TPST2: variants seen among roughly 807,000 people sequenced by gnomAD.
The protein encoded by TPST2 is protein-tyrosine sulfotransferase 2.
A neutral mutation model predicts 27.8 loss-of-function variants in TPST2; 16 were observed. The observed-to-expected ratio is 0.58, with a 90% confidence interval of 0.39 to 0.88. The LOEUF is 0.88. Ranked by LOEUF, TPST2 falls within the 40% of genes least tolerant of loss-of-function variation. The pLI, the probability that TPST2 is intolerant of heterozygous loss-of-function variation, is 0.00. For missense variants in TPST2, 464 were observed against 543.1 expected (o/e 0.85, Z 1.45); for synonymous variants, 229 against 231.7 (o/e 0.99, Z 0.10).
At chr22:26,532,035 G>A (rs1248617719) in intron 5 of TPST2, among the ~76,000 whole-genome samples, 1 of 152,192 alleles carries the variant, frequency 6.6e-6, no homozygotes, top group African/African-American at 2.4e-5. Context: ...TTGAGGGGCT[G>A]AGGTGAGAGG....
Position 26,541,494 on chromosome 22 carries a change from C to G in TPST2, c.137G>C (p.Arg46Pro). ...CATCACCAGCTCCTCCTGCTCAGGC[C>G]GCATGGCCCCCCGGGGGCTCCGCAG... ...AGLRSPRGAM[R>P]PEQEELVMVG... The change falls in exon 3 of 7, where the codon CGG (arginine) becomes CCG (proline). Residue 46 changes from arginine (R) to proline (P), a missense_variant. Transcript: ENST00000338754. The surrounding 1 kb of genome is among the most constrained non-coding windows in gnomAD (Gnocchi z 5.9). The G allele has an allele frequency of 1.2e-6, 2 of 1,611,896 alleles. No homozygotes were observed. The highest frequency in any genetic ancestry group is 1.7e-6 in the Non-Finnish European group (2 of 1,178,940).
chr22:26,573,923 G>A (rs1927730829), intron 1 of TPST2, among the ~76,000 whole-genome samples: 1 of 152,154 alleles, frequency 6.6e-6, no homozygotes, highest in Non-Finnish European at 1.5e-5. Context: ...CCTAGAAGCA[G>A]GAAGAACCGG....
At chr22:26,552,600 G>A (rs911521761) in intron 1 of TPST2, among the ~76,000 whole-genome samples, 9 of 152,044 alleles carry the variant, frequency 5.9e-5, no homozygotes, top group Admixed American at 2.6e-4. Context: ...TGGCTCTGTG[G>A]GCCACAAGAG....
chr22:26,588,737 G>A (rs947579254), intron 1 of TPST2, among the ~76,000 whole-genome samples: 2 of 152,098 alleles, frequency 1.3e-5, no homozygotes, highest in Admixed American at 6.6e-5. Flanking sequence ...AGACTAGATC[G>A]GAAGGAAAAT....
At chr22:26,579,386 T>C (rs753667348) in intron 1 of TPST2, among the ~76,000 whole-genome samples, 1 of 152,208 alleles carries the variant, frequency 6.6e-6, no homozygotes, top group Non-Finnish European at 1.5e-5. Flanking sequence ...GTCCTGCTGC[T>C]AGCCCAGGCT....
intron 1 of TPST2, among the ~76,000 whole-genome samples, chr22:26,585,966 C>T (rs1928329999): frequency 6.6e-6 from 1 of 152,084 alleles, no homozygotes; most frequent in Non-Finnish European, 1.5e-5. Context: ...TGGCGTGAAC[C>T]CGGGAGGTAG....
At position 26,536,456 on chromosome 22, in the gene TPST2, C is replaced by T; in HGVS notation, c.873G>A (p.Lys291=). The change falls in exon 4 of 7, where the codon AAG becomes AAA. Residue 291 remains lysine (K), a synonymous_variant. Coordinates refer to ENST00000338754, the MANE Select transcript of TPST2 (RefSeq NM_003595.5). ...TGGAGAGCGCTTCCAGGTTAACAGG[C>T]TTGATGACCTGGTCCGTGGACCGCT... ...KIERSTDQVI[K]PVNLEALSKW... is the part of the protein sequence containing the mutation. The T allele has an allele frequency of 6.5e-7, 1 of 1,549,016 alleles. No individual in the cohort carries two copies. Among genetic ancestry groups the T allele is most frequent in the Non-Finnish European group, 8.7e-7 (1 of 1,146,928 alleles).
intron 1 of TPST2, among the ~76,000 whole-genome samples, chr22:26,555,619 ATGAG>A (rs538834475): frequency 2.6e-4 from 40 of 152,232 alleles, no homozygotes; most frequent in Non-Finnish European, 5.3e-4. Flanking sequence ...CCTGCCCATA[ATGAG>A]TGTCACGGCC....
At chr22:26,569,118 C>CTCCCAAAGCGCTGGGATT (rs1555934410) in intron 1 of TPST2, among the ~76,000 whole-genome samples, 1 of 152,164 alleles carries the variant, frequency 6.6e-6, no homozygotes, top group Non-Finnish European at 1.5e-5. Context: ...CCGCCTCAGC[C>CTCCCAAAGCGCTGGGATT]TCCCAAAGCG....
intron 1 of TPST2, among the ~76,000 whole-genome samples, chr22:26,574,203 T>TTATCTGTAAA (rs1927740629): frequency 3.3e-5 from 5 of 152,332 alleles, no homozygotes; most frequent in African/African-American, 1.2e-4. Flanking sequence ...CTCAGTTTCC[T>TTATCTGTAAA]TATCTGTAAA....
intron 1 of TPST2, among the ~76,000 whole-genome samples, chr22:26,575,925 G>A (rs1433239699): frequency 2.0e-5 from 3 of 152,088 alleles, no homozygotes; most frequent in Non-Finnish European, 2.9e-5. Context: ...GAACCTGGGA[G>A]GCGGAGGTTG....
At chr22:26,569,996 A>G (rs865883993) in intron 1 of TPST2, among the ~76,000 whole-genome samples, 1 of 25,506 alleles carries the variant, frequency 3.9e-5, no homozygotes, top group Non-Finnish European at 6.8e-5. Flanking sequence ...AAAGAAAAAG[A>G]AAGAAAGAAA....
chr22:26,582,429 A>G (rs1237117088), intron 1 of TPST2, among the ~76,000 whole-genome samples: 1 of 152,152 alleles, frequency 6.6e-6, no homozygotes, highest in Admixed American at 6.5e-5. Context: ...CTCCATCTAA[A>G]CAGAAACAAA....
At chr22:26,573,092 T>A (rs888790514) in intron 1 of TPST2, among the ~76,000 whole-genome samples, 1 of 152,164 alleles carries the variant, frequency 6.6e-6, no homozygotes, top group Admixed American at 6.5e-5. Flanking sequence ...GTTTAATTAA[T>A]GATAGTTCCT....
intron 1 of TPST2, among the ~76,000 whole-genome samples, chr22:26,588,685 T>C (rs78043526): frequency 6.6e-6 from 1 of 152,114 alleles, no homozygotes; most frequent in African/African-American, 2.4e-5. Context: ...ACAGTTCCTT[T>C]AGGACAATGA....
chr22:26,536,420 G>T lies in TPST2; in HGVS notation c.909C>A (p.Gly303=), dbSNP rs756649422. The T allele has an allele frequency of 6.3e-7, 1 of 1,580,968 alleles. No homozygotes were observed. The highest frequency in any genetic ancestry group is 8.6e-7 in the Non-Finnish European group (1 of 1,161,582). The change falls in exon 4 of 7, where the codon GGC becomes GGA. Residue 303 remains glycine, a synonymous_variant. Coordinates refer to ENST00000338754, the MANE Select transcript of TPST2 (RefSeq NM_003595.5). ...CCCGCACCACATCCCCAGGGATGTG[G>T]CCAGTCCACTTGGAGAGCGCTTCCA... ...VNLEALSKWT[G]HIPGDVVRDM... is the part of the protein sequence containing the mutation.
At chr22:26,535,543 G>A (rs894494997) in intron 4 of TPST2, among the ~76,000 whole-genome samples, 43 of 152,222 alleles carry the variant, frequency 2.8e-4, no homozygotes, top group African/African-American at 8.7e-4. Flanking sequence ...TTTGGGAAGA[G>A]TGAAGCAGGG....
intron 1 of TPST2, among the ~76,000 whole-genome samples, chr22:26,585,196 G>T (rs756203725): frequency 6.6e-6 from 1 of 152,194 alleles, no homozygotes; most frequent in Admixed American, 6.5e-5. Context: ...TTTCTGGGCT[G>T]CCTGCCTGCT....
At chr22:26,543,843 A>C (rs1925984542) in intron 2 of TPST2, among the ~76,000 whole-genome samples, 1 of 152,182 alleles carries the variant, frequency 6.6e-6, no homozygotes, top group African/African-American at 2.4e-5. Flanking sequence ...AAGAAGAAAA[A>C]GCAGGGTGAC....
Sources: gnomAD v4.1 joint callset for allele counts (sites outside exome capture counted in the v4.1 genomes callset) on GRCh38, gnomAD v4.1.1 for gene constraint, Gnocchi (gnomAD v3.1) non-coding constraint, MANE v1.5 for transcripts, NCBI Gene and HGNC (gene_info 2026-07-23, HGNC 2026-07-21) for gene names.